Variants in IBTK observed in about 807,000 individuals in gnomAD.
IBTK encodes the protein BTK-binding protein.
Under a neutral mutation model 154.9 loss-of-function variants are expected in IBTK, and 83 were observed. That is an observed-to-expected ratio of 0.54 (90% CI 0.45 to 0.64). The LOEUF is 0.64. Ranked by LOEUF, IBTK falls within the 30% of genes least tolerant of loss-of-function variation. The pLI is 0.00. For missense variants in IBTK, 1,332 were observed against 1,584.6 expected, an observed-to-expected ratio of 0.84 and a Z score of 2.71; for synonymous variants, 515 against 536.1, an observed-to-expected ratio of 0.96 and a Z score of 0.54.
At chr6:82,172,562 T>A (rs777688395) in intron 27 of IBTK, 50 bp from the exon 28 acceptor site, 4 of 1,551,918 alleles carry the variant, frequency 2.6e-6, no homozygotes, top group East Asian at 2.3e-5. Flanking sequence ...AATTTTTGCA[T>A]GCAAAATTTT....
chr6:82,215,096 A>G (rs1471464619), intron 11 of IBTK, among the ~76,000 whole-genome samples: 1 of 152,150 alleles, frequency 6.6e-6, no homozygotes, highest in Non-Finnish European at 1.5e-5. Context: ...CCTGGTTCTT[A>G]CAGTACTGTG....
intron 25 of IBTK, among the ~76,000 whole-genome samples, chr6:82,190,108 T>C (rs566117312): frequency 7.5e-4 from 115 of 152,322 alleles, no homozygotes; most frequent in African/African-American, 2.7e-3. Flanking sequence ...TGGGTGTTCT[T>C]ACCTCTTATT....
At chr6:82,209,767 T>C (rs1166431322) in intron 16 of IBTK, among the ~76,000 whole-genome samples, 1 of 152,236 alleles carries the variant, frequency 6.6e-6, no homozygotes, top group Admixed American at 6.5e-5. Flanking sequence ...AAACATACCA[T>C]GTCTCAGTTA....
chr6:82,239,423 C>T (rs1031251244), intron 2 of IBTK, among the ~76,000 whole-genome samples: 9 of 151,726 alleles, frequency 5.9e-5, no homozygotes, highest in African/African-American at 9.7e-5. Context: ...CCAGCCTCGG[C>T]GACAGAGCGA....
At chr6:82,201,506 T>G in intron 18 of IBTK, 24 bp from the exon 19 acceptor site, 1 of 1,514,010 alleles carries the variant, frequency 6.6e-7, no homozygotes, top group Non-Finnish European at 9.1e-7. Context: ...TACAAAATTC[T>G]ATCTTAAGAT....
At chr6:82,199,622 T>C (rs1389121606) in intron 21 of IBTK, among the ~76,000 whole-genome samples, 1 of 152,124 alleles carries the variant, frequency 6.6e-6, no homozygotes, top group Non-Finnish European at 1.5e-5. Flanking sequence ...TTTGCCAACC[T>C]CTAAACCCCT....
At chr6:82,222,172 A>G (rs1770125205) in intron 8 of IBTK, among the ~76,000 whole-genome samples, 1 of 151,206 alleles carries the variant, frequency 6.6e-6, no homozygotes, top group African/African-American at 2.4e-5. Context: ...AATGTCTCAA[A>G]AAAAAAAAAA....
chr6:82,182,725 G>C (rs1768366728), intron 25 of IBTK, among the ~76,000 whole-genome samples: 1 of 152,082 alleles, frequency 6.6e-6, no homozygotes. Context: ...GAAAACCAAA[G>C]CTAAACAGAA....
At chr6:82,246,521 TG>T (rs1244236711) in intron 1 of IBTK, among the ~76,000 whole-genome samples, 1 of 145,654 alleles carries the variant, frequency 6.9e-6, no homozygotes, top group Non-Finnish European at 1.5e-5. Flanking sequence ...CTCGGCTCAC[TG>T]CAACCTCCAC....
intron 1 of IBTK, among the ~76,000 whole-genome samples, chr6:82,245,390 G>A (rs1264104185): frequency 6.6e-6 from 1 of 151,766 alleles, no homozygotes; most frequent in African/African-American, 2.4e-5. Context: ...GAAAGCCATC[G>A]CTACAAAAAA....
chr6:82,239,431 C>A (rs571971711), intron 2 of IBTK, among the ~76,000 whole-genome samples: 5 of 151,782 alleles, frequency 3.3e-5, no homozygotes, highest in African/African-American at 1.2e-4. Flanking sequence ...GGCGACAGAG[C>A]GAAACTCCAT....
chr6:82,217,975 T>C lies in IBTK; in HGVS notation c.1411A>G (p.Ser471Gly), dbSNP rs748335301. ...ATGAACTGACCTTTCTTTTCAGAACTCTTTCTTTTCTCTTCAAACCATCTC... is the reference window on the plus strand; with the variant it reads ...ATGAACTGACCTTTCTTTTCAGAACCCTTTCTTTTCTCTTCAAACCATCTC... ...RGRWFEEKRK[S>G]SEKKEILSNL... Residue 471 changes from serine to glycine, a missense_variant, in exon 10 of 29, where the codon AGT (serine) becomes GGT (glycine). Ser to Gly is a moderately conservative substitution (Grantham distance 56). Transcript: ENST00000306270. 2.5e-6 allele frequency: 4 copies of C among 1,596,366 alleles called. No individual in the cohort carries two copies. The South Asian group carries it at 3.4e-5, about 14-fold the overall frequency.
chr6:82,225,473 T>C lies in IBTK; in HGVS notation c.825+4A>G, dbSNP rs938382558. The C allele has an allele frequency of 6.2e-7, 1 of 1,608,330 alleles. No individual in the cohort carries two copies. The highest frequency in any genetic ancestry group is 1.3e-5 in the African/African-American group (1 of 74,748). On this transcript the variant is annotated splice_donor_region_variant and intron_variant, in intron 6 of 28. Transcript: ENST00000306270. ...ACCTTATTATTTAAAAGAGTAAAGC[T>C]TACCTGTCTGGGTACATTACAACTG...
rs1582227579 is a variant in IBTK at position 82,214,711 on chromosome 6, G to A, written c.1720C>T (p.Leu574Phe). 4 of 1,614,058 alleles carry A rather than the reference G, an allele frequency of 2.5e-6. 1 individual carries two copies. The highest frequency in any genetic ancestry group is 2.2e-5 in the South Asian group (2 of 91,078). The change falls in exon 12 of 29, where the codon CTC becomes TTC. Residue 574 changes from leucine (L) to phenylalanine (F), a missense_variant. Leu to Phe is a conservative substitution (Grantham distance 22). Coordinates refer to ENST00000306270, the MANE Select transcript of IBTK (RefSeq NM_015525.4). Reference sequence around the variant, plus strand: ...AAAATATATTTATGTGCAGGGAAGAGTCTATTGCCAACTTGAAATGTCACA... The same window carrying A: ...AAAATATATTTATGTGCAGGGAAGAATCTATTGCCAACTTGAAATGTCACA... Reference protein sequence around the residue: ...HDVTFQVGNRLFPAHKYILAV... With the variant: ...HDVTFQVGNRFFPAHKYILAV...
At chr6:82,203,169 T>C (rs1769274548) in intron 17 of IBTK, among the ~76,000 whole-genome samples, 1 of 152,092 alleles carries the variant, frequency 6.6e-6, no homozygotes, top group African/African-American at 2.4e-5. Flanking sequence ...ATTTTGAAAA[T>C]ACGTACATCA....
At chr6:82,208,078 T>C (rs1769477257) in intron 16 of IBTK, among the ~76,000 whole-genome samples, 1 of 150,652 alleles carries the variant, frequency 6.6e-6, no homozygotes, top group African/African-American at 2.4e-5. Context: ...ATGTACTGCA[T>C]ACTTGAGATT....
At chr6:82,197,837 T>C (rs1003245168) in intron 21 of IBTK, among the ~76,000 whole-genome samples, 6 of 152,248 alleles carry the variant, frequency 3.9e-5, no homozygotes, top group African/African-American at 1.4e-4. Flanking sequence ...GCCGTTTGTC[T>C]AACTTTAAGA....
chr6:82,226,534 T>A (rs1374606845), intron 5 of IBTK, among the ~76,000 whole-genome samples: 2 of 151,846 alleles, frequency 1.3e-5, no homozygotes, highest in Non-Finnish European at 2.9e-5. Flanking sequence ...GAAATCTTAA[T>A]GAGAAGTTAA....
Position 82,171,324 on chromosome 6 carries a change from T to C in IBTK, c.*101A>G. The C allele has an allele frequency of 3.3e-6, 3 of 908,294 alleles. No individual in the cohort carries two copies. The highest frequency in any genetic ancestry group is 5.0e-6 in the Non-Finnish European group (3 of 595,926). The allele number at this position is 908,294 out of a possible 1,614,324, so 56.3% of individuals were successfully genotyped here. ...AGAAATTATATCTTTTCTTAATCTATTTAGAATGATATTACAAAATCTCTA... is the reference window on the plus strand; with the variant it reads ...AGAAATTATATCTTTTCTTAATCTACTTAGAATGATATTACAAAATCTCTA... On this transcript the variant is annotated 3_prime_UTR_variant, in exon 29 of 29. Coordinates refer to ENST00000306270, the MANE Select transcript of IBTK (RefSeq NM_015525.4).
Sources: gnomAD v4.1 joint callset for allele counts (sites outside exome capture counted in the v4.1 genomes callset) on GRCh38, gnomAD v4.1.1 for gene constraint, MANE v1.5 for transcripts, NCBI Gene and HGNC (gene_info 2026-07-23, HGNC 2026-07-21) for gene names.